TNKS: variants seen among roughly 807,000 people sequenced by gnomAD.
The protein encoded by TNKS is poly [ADP-ribose] polymerase tankyrase-1.
A neutral mutation model predicts 135.8 loss-of-function variants in TNKS; 72 were observed. The observed-to-expected ratio is 0.53, with a 90% CI of 0.44 to 0.64. The LOEUF is 0.64. TNKS is among the 30% of genes least tolerant of loss of function. TNKS has a pLI of 0.00. For missense variants in TNKS, 1,769 were observed against 1,674.0 expected, an observed-to-expected ratio of 1.06 and a Z score of -0.99; for synonymous variants, 849 against 649.3, an observed-to-expected ratio of 1.31 and a Z score of -4.68.
intron 1 of TNKS, among the ~76,000 whole-genome samples, chr8:9,566,035 C>T (rs1323684272): frequency 2.6e-5 from 4 of 152,026 alleles, no homozygotes; most frequent in African/African-American, 7.2e-5. Context: ...CTGATGCCCT[C>T]ATTCTGATAA....
intron 2 of TNKS, among the ~76,000 whole-genome samples, chr8:9,586,003 G>A (rs960394165): frequency 6.6e-6 from 1 of 152,126 alleles, no homozygotes; most frequent in African/African-American, 2.4e-5. Context: ...TCATACAGTT[G>A]TTAAGAGGAT....
At chr8:9,730,532 T>TA (rs1805383340) in intron 13 of TNKS, among the ~76,000 whole-genome samples, 1 of 152,132 alleles carries the variant, frequency 6.6e-6, no homozygotes, top group African/African-American at 2.4e-5. Flanking sequence ...CACAAGCAGA[T>TA]ACGCTATGAC....
chr8:9,740,606 A>G (rs1022998804), intron 17 of TNKS, among the ~76,000 whole-genome samples: 5 of 152,182 alleles, frequency 3.3e-5, no homozygotes, highest in African/African-American at 1.2e-4. Context: ...TGAAAGTATC[A>G]TATTTAATGA....
chr8:9,614,766 C>G (rs1272981137), intron 2 of TNKS, among the ~76,000 whole-genome samples: 2 of 152,132 alleles, frequency 1.3e-5, no homozygotes, highest in East Asian at 1.9e-4. Flanking sequence ...CTCTCCTGCC[C>G]TCTCCACCCT....
intron 2 of TNKS, among the ~76,000 whole-genome samples, chr8:9,593,365 A>C (rs1798658003): frequency 6.6e-6 from 1 of 152,172 alleles, no homozygotes; most frequent in Admixed American, 6.5e-5. Flanking sequence ...TTATAATGGA[A>C]ATGTTTTCTT....
chr8:9,678,356 G>A (rs955478290), intron 3 of TNKS, among the ~76,000 whole-genome samples: 1 of 152,120 alleles, frequency 6.6e-6, no homozygotes, highest in African/African-American at 2.4e-5. Flanking sequence ...TGGGCTTTGG[G>A]AAGGCAGGAA....
chr8:9,644,225 A>G (rs1398647142), intron 3 of TNKS, among the ~76,000 whole-genome samples: 3 of 152,184 alleles, frequency 2.0e-5, no homozygotes, highest in Admixed American at 6.5e-5. Context: ...GAGTATGCTT[A>G]ATGCCACTGT....
At chr8:9,698,116 C>T (rs1803603958) in intron 5 of TNKS, among the ~76,000 whole-genome samples, 1 of 152,014 alleles carries the variant, frequency 6.6e-6, no homozygotes, top group African/African-American at 2.4e-5. Context: ...TGAATGGAGC[C>T]AGAGGCCATT....
chr8:9,763,172 CTG>C lies in TNKS; in HGVS notation c.3304_3305del (p.Val1102Ter), dbSNP rs1231383822. 1 of 1,592,376 alleles carries C rather than the reference CTG, an allele frequency of 6.3e-7. No individual in the cohort carries two copies. The highest frequency in any genetic ancestry group is 8.6e-7 in the Non-Finnish European group (1 of 1,168,260). The stretch of plus-strand genomic sequence containing the variant: ...GCACCAATCCTTATTTGACTTTTCA[CTG>C]TGTTAATCAGGGAACGATTTTGCTG... ...QGTNPYLTFHCVNQGTILLDL... is the reference protein window; with the variant it reads ...QGTNPYLTFHXVNQGTILLDL... On this transcript the variant is annotated frameshift_variant, in exon 22 of 27. Transcript: ENST00000310430. LOFTEE classifies it high-confidence loss of function.
At chr8:9,607,313 T>G (rs1799265385) in intron 2 of TNKS, among the ~76,000 whole-genome samples, 1 of 152,220 alleles carries the variant, frequency 6.6e-6, no homozygotes, top group Admixed American at 6.5e-5. Context: ...TTTCTGCTTG[T>G]GTATGCAGTC....
chr8:9,707,136 T>C (rs768871056), intron 8 of TNKS, 139 bp downstream of exon 8: 3 of 730,230 alleles, frequency 4.1e-6, no homozygotes, highest in African/African-American at 3.7e-5. Context: ...TGTATACTTT[T>C]CTTCATGAAT....
intron 3 of TNKS, among the ~76,000 whole-genome samples, chr8:9,661,314 T>C (rs1040601667): frequency 7.9e-5 from 12 of 152,154 alleles, no homozygotes; most frequent in African/African-American, 1.4e-4. Context: ...GGAGGCATCA[T>C]GTTACCTGAC....
intron 26 of TNKS, chr8:9,772,356 A>T (rs1274412417): frequency 2.2e-6 from 1 of 455,192 alleles, no homozygotes; most frequent in South Asian, 1.6e-5. Flanking sequence ...ATAGGCTTAT[A>T]TTATCTCTCT....
intron 26 of TNKS, among the ~76,000 whole-genome samples, chr8:9,776,390 G>A (rs1808227085): frequency 6.6e-6 from 1 of 152,120 alleles, no homozygotes; most frequent in South Asian, 2.1e-4. Flanking sequence ...ATGACACATG[G>A]CTCTCTAATA....
At position 9,697,025 on chromosome 8, in the gene TNKS, C is replaced by T. The variant is rs757032383; in HGVS notation, c.1108-7638C>T. On this transcript the variant is annotated intron_variant, in intron 5 of 26. Transcript: ENST00000310430. Reference sequence around the variant, plus strand: ...CCTAAGCAAAAAACAAAGCCAGAGGCATCACACTACCCAAATTCAAACTAT... The same window carrying T: ...CCTAAGCAAAAAACAAAGCCAGAGGTATCACACTACCCAAATTCAAACTAT... Among the ~76,000 whole-genome samples, 127 of 152,230 alleles carry T rather than the reference C, an allele frequency of 8.3e-4. 1 individual carries two copies. Among genetic ancestry groups the T allele is most frequent in the South Asian group, 1.7e-3 (8 of 4,822 alleles).
chr8:9,587,839 A>G (rs1798447294), intron 2 of TNKS, among the ~76,000 whole-genome samples: 1 of 152,234 alleles, frequency 6.6e-6, no homozygotes, highest in African/African-American at 2.4e-5. Context: ...GCAAGCATAT[A>G]TTATAAAAAC....
At chr8:9,593,988 G>A (rs575142070) in intron 2 of TNKS, among the ~76,000 whole-genome samples, 66 of 152,240 alleles carry the variant, frequency 4.3e-4, no homozygotes, top group South Asian at 1.9e-3. Flanking sequence ...CTGGGTTCAA[G>A]CAATTCTGCT....
At position 9,773,192 on chromosome 8, in the gene TNKS, AAC is replaced by A. The variant is rs374833740; in HGVS notation, c.3897+2937_3897+2938del. Among the ~76,000 whole-genome samples the A allele has an allele frequency of 4.8e-4, 73 of 152,238 alleles. No individual in the cohort carries two copies. In the South Asian group the frequency reaches 0.01, roughly 22 times the overall value. On this transcript the variant is annotated intron_variant, in intron 26 of 26. Coordinates refer to ENST00000310430, the MANE Select transcript of TNKS (RefSeq NM_003747.3). Reference sequence around the variant, plus strand: ...ATTGGAATAATCAGTGATAGTCACAAACACACACTATATACATGAATATATGA... The same window carrying A: ...ATTGGAATAATCAGTGATAGTCACAAACACACTATATACATGAATATATGA...
At chr8:9,681,113 A>C (rs977504391) in intron 5 of TNKS, 2 of 206,892 alleles carry the variant, frequency 9.7e-6, no homozygotes, top group African/African-American at 4.6e-5. Context: ...TGGAAACTGG[A>C]AATATGAGTG....
Sources: gnomAD v4.1 joint callset for allele counts (sites outside exome capture counted in the v4.1 genomes callset) on GRCh38, gnomAD v4.1.1 for gene constraint, MANE v1.5 for transcripts, NCBI Gene and HGNC (gene_info 2026-07-23, HGNC 2026-07-21) for gene names.